The following SNX29 variants were observed in gnomAD, a reference collection of about 807,000 sequenced individuals.
The protein encoded by SNX29 is sorting nexin 29, also known as sorting nexin-29.
Under a neutral mutation model 102.1 loss-of-function variants are expected in SNX29, and 78 were observed. The ratio of observed to expected loss-of-function variants is 0.76; its 90% confidence interval spans 0.64 to 0.92. The LOEUF (loss-of-function observed/expected upper bound fraction) is 0.92, where lower values mean the gene tolerates loss of function less well. SNX29 is among the 40% of genes least tolerant of loss of function. The pLI is 0.00. For missense variants in SNX29, 1,280 were observed against 1,061.7 expected (o/e 1.21, Z -2.86); for synonymous variants, 580 against 414.5 (o/e 1.40, Z -4.85).
Position 12,124,355 on chromosome 16 carries a change from C to CAA in SNX29, c.1403-2264_1403-2263dup, listed in dbSNP as rs5815668. Among the ~76,000 whole-genome samples the CAA allele has an allele frequency of 3.3e-3, 428 of 130,322 alleles. 2 individuals are homozygous for CAA. Among genetic ancestry groups the CAA allele is most frequent in the African/African-American group, 7.4e-3 (273 of 36,914 alleles). 85.5% of individuals were successfully genotyped at this position (130,322 alleles called of 152,430 possible). A position where few individuals can be genotyped will look rare whatever the true frequency, so the allele number is the denominator to read the frequency against. On this transcript the variant is annotated intron_variant, in intron 11 of 20. Transcript: ENST00000566228. Reference sequence around the variant, plus strand: ...TGGGTGACAGAGTGGGACTCCGTCTCAAAAAAAAAAAAAAACTGATATTCT... The same window carrying CAA: ...TGGGTGACAGAGTGGGACTCCGTCTCAAAAAAAAAAAAAAAAACTGATATTCT...
chr16:12,268,033 A>T (rs1357129205), intron 14 of SNX29, among the ~76,000 whole-genome samples: 2 of 152,164 alleles, frequency 1.3e-5, no homozygotes, highest in Non-Finnish European at 2.9e-5. Flanking sequence ...GTTCCCGGGA[A>T]CGTTCTCTGC....
Position 12,126,688 on chromosome 16 carries a change from G to A in SNX29, c.1458G>A (p.Glu486=). 5.0e-6 allele frequency: 8 copies of A among 1,613,990 alleles called. No homozygotes were observed. The highest frequency in any genetic ancestry group is 5.9e-6 in the Non-Finnish European group (7 of 1,179,876). The change falls in exon 12 of 21, where the codon GAG becomes GAA. Residue 486 remains glutamate, a synonymous_variant. Coordinates refer to ENST00000566228, the MANE Select transcript of SNX29 (RefSeq NM_032167.5). ...TGAACAGGAAGGATGAGCTGGAGGA[G>A]GAGAACAGGTACCGTGATTTTCAGG... ...AMMNRKDELE[E]ENRSLRNLLD...
chr16:12,032,896 T>G (rs2057383236), intron 4 of SNX29, among the ~76,000 whole-genome samples: 1 of 152,042 alleles, frequency 6.6e-6, no homozygotes, highest in Admixed American at 6.6e-5. Flanking sequence ...AGAATCTCAC[T>G]TTGTCACCCA....
chr16:12,472,157 C>T (rs912436851), intron 18 of SNX29, among the ~76,000 whole-genome samples: 3 of 152,322 alleles, frequency 2.0e-5, no homozygotes, highest in East Asian at 3.9e-4. Context: ...CTGCATCTCA[C>T]GTCCACAGTA....
chr16:12,549,145 T>G (rs182051289), intron 20 of SNX29, among the ~76,000 whole-genome samples: 11 of 152,066 alleles, frequency 7.2e-5, no homozygotes, highest in African/African-American at 2.4e-4. Context: ...AGTTTTGATT[T>G]AGCAGTTATC....
At chr16:12,410,063 C>G (rs767591201) in intron 18 of SNX29, among the ~76,000 whole-genome samples, 1 of 151,046 alleles carries the variant, frequency 6.6e-6, no homozygotes, top group Non-Finnish European at 1.5e-5. Flanking sequence ...AGCGCAATCT[C>G]GGTTCACTGC....
Position 12,398,623 on chromosome 16 carries a change from TG to T in SNX29, c.1955+124del, listed in dbSNP as rs1434849633. 6.1e-6 allele frequency: 7 copies of T among 1,151,562 alleles called. No individual in the cohort carries two copies. The African/African-American group carries it at 7.6e-5, about 13-fold the overall frequency. 71.3% of individuals were successfully genotyped at this position (1,151,562 alleles called of 1,614,324 possible). A position where few individuals can be genotyped will look rare whatever the true frequency, so the allele number is the denominator to read the frequency against. On this transcript the variant is annotated intron_variant, in intron 17 of 20. Transcript: ENST00000566228. ...TGTTGAGACCCACACAAGGTTGATG[TG>T]GTTCTTGTAGAGCTGGTAGGAGTCG... is the stretch of plus-strand genomic sequence containing the variant.
At chr16:12,088,402 CAT>C (rs1264601013) in intron 11 of SNX29, among the ~76,000 whole-genome samples, 14 of 152,070 alleles carry the variant, frequency 9.2e-5, no homozygotes, top group Non-Finnish European at 2.9e-5. Flanking sequence ...GTTTGACAGA[CAT>C]AGACTCTGTT....
intron 15 of SNX29, among the ~76,000 whole-genome samples, chr16:12,297,645 T>C (rs1483704075): frequency 6.6e-6 from 1 of 152,156 alleles, no homozygotes; most frequent in African/African-American, 2.4e-5. Context: ...GTTAATTTAA[T>C]TGCATTCGTC....
intron 14 of SNX29, among the ~76,000 whole-genome samples, chr16:12,215,697 C>T (rs542309141): frequency 6.6e-6 from 1 of 152,184 alleles, no homozygotes. Context: ...ACGTGCTGTA[C>T]CCAGAATTCC....
At chr16:12,055,786 A>C (rs1051620690) in intron 8 of SNX29, among the ~76,000 whole-genome samples, 5 of 152,232 alleles carry the variant, frequency 3.3e-5, no homozygotes, top group Admixed American at 2.6e-4. Flanking sequence ...TTAAATGTTA[A>C]TCTCATCTAA....
intron 13 of SNX29, among the ~76,000 whole-genome samples, chr16:12,141,047 G>A (rs888952851): frequency 2.0e-5 from 3 of 152,194 alleles, no homozygotes; most frequent in Non-Finnish European, 4.4e-5. Context: ...ACATGCTGAC[G>A]CTAAGTGCTT....
At chr16:12,308,844 G>A (rs1440360325) in intron 15 of SNX29, among the ~76,000 whole-genome samples, 2 of 152,216 alleles carry the variant, frequency 1.3e-5, no homozygotes, top group East Asian at 3.8e-4. Context: ...CCCGGTGGCT[G>A]CAAGTGTGAT....
At chr16:12,380,333 C>T (rs1258296396) in intron 16 of SNX29, among the ~76,000 whole-genome samples, 1 of 75,664 alleles carries the variant, frequency 1.3e-5, no homozygotes, top group Non-Finnish European at 2.6e-5. Flanking sequence ...CCCACCCATA[C>T]CCCCCACCCA....
At chr16:12,465,398 G>A (rs2087005058) in intron 18 of SNX29, among the ~76,000 whole-genome samples, 1 of 152,066 alleles carries the variant, frequency 6.6e-6, no homozygotes, top group Non-Finnish European at 1.5e-5. Flanking sequence ...TATGGTGTAA[G>A]ACAAGGCTCT....
intron 15 of SNX29, among the ~76,000 whole-genome samples, chr16:12,286,288 G>C (rs1207268109): frequency 2.0e-5 from 3 of 151,964 alleles, no homozygotes; most frequent in Non-Finnish European, 4.4e-5. Context: ...GTTTCTAGCA[G>C]GATAGGTGTA....
At chr16:12,284,208 G>A (rs1482091861) in intron 15 of SNX29, among the ~76,000 whole-genome samples, 3 of 152,222 alleles carry the variant, frequency 2.0e-5, no homozygotes, top group African/African-American at 7.2e-5. Flanking sequence ...CTGGTGACTT[G>A]GAAAGCACAT....
intron 11 of SNX29, among the ~76,000 whole-genome samples, chr16:12,117,701 T>C (rs2053792246): frequency 1.3e-5 from 2 of 152,196 alleles, no homozygotes; most frequent in African/African-American, 2.4e-5. Context: ...GTAGTGATGG[T>C]TGCACAACAT....
chr16:12,354,523 C>T (rs771584039), intron 15 of SNX29, among the ~76,000 whole-genome samples: 1 of 152,166 alleles, frequency 6.6e-6, no homozygotes, highest in African/African-American at 2.4e-5. Context: ...CAAAACAAAA[C>T]AGAAACAAAA....
Sources: gnomAD v4.1 joint callset for allele counts (sites outside exome capture counted in the v4.1 genomes callset) on GRCh38, gnomAD v4.1.1 for gene constraint, MANE v1.5 for transcripts, NCBI Gene and HGNC (gene_info 2026-07-23, HGNC 2026-07-21) for gene names.